Variants in DOCK4 observed in about 807,000 individuals in gnomAD.
The protein encoded by DOCK4 is dedicator of cytokinesis protein 4.
DOCK4 carries 97 observed loss-of-function variants against 268.1 expected under a neutral mutation model. The ratio of observed to expected loss-of-function variants is 0.36; its 90% CI spans 0.31 to 0.43. The LOEUF (loss-of-function observed/expected upper bound fraction) is 0.43. Among genes scored for constraint, DOCK4 ranks in the 20% least tolerant of loss-of-function variants. The probability of loss-of-function intolerance (pLI) is 1.00; values close to 1 mark genes in which losing one functional copy is unlikely to be tolerated. For synonymous variants in DOCK4, 954 were observed against 887.2 expected, an observed-to-expected ratio of 1.08 and a Z score of -1.34; for missense variants, 2,145 against 2,455.7, an observed-to-expected ratio of 0.87 and a Z score of 2.67.
At chr7:112,057,740 A>C (rs1805964263) in intron 1 of DOCK4, among the ~76,000 whole-genome samples, 1 of 151,950 alleles carries the variant, frequency 6.6e-6, no homozygotes, top group African/African-American at 2.4e-5. Flanking sequence ...ACATCACTGC[A>C]CTCCAACCTG....
At chr7:111,737,027 T>G in intron 49 of DOCK4, 38 bp from the exon 50 acceptor site, 1 of 1,552,852 alleles carries the variant, frequency 6.4e-7, no homozygotes, top group Non-Finnish European at 8.8e-7. Flanking sequence ...TGATGTGATA[T>G]ACGGGCATGT....
chr7:111,894,019 A>T (rs549409794), intron 16 of DOCK4, among the ~76,000 whole-genome samples: 1 of 152,242 alleles, frequency 6.6e-6, no homozygotes, highest in South Asian at 2.1e-4. Context: ...GTCAGGAGAT[A>T]GAGACCATCC....
At chr7:111,946,883 T>C (rs1272303205) in intron 8 of DOCK4, among the ~76,000 whole-genome samples, 1 of 152,204 alleles carries the variant, frequency 6.6e-6, no homozygotes. Context: ...CACCAAGCCA[T>C]GGATGCCATT....
chr7:112,156,317 T>G (rs1816608659), intron 1 of DOCK4, among the ~76,000 whole-genome samples: 1 of 152,246 alleles, frequency 6.6e-6, no homozygotes, highest in Admixed American at 6.5e-5. Context: ...TAGCGGCCAA[T>G]TATGAGATAT....
At chr7:111,973,286 T>G (rs1055588500) in intron 8 of DOCK4, among the ~76,000 whole-genome samples, 1 of 151,680 alleles carries the variant, frequency 6.6e-6, no homozygotes, top group Non-Finnish European at 1.5e-5. Flanking sequence ...TGTGCAAGTA[T>G]CTTTTTCGTA....
intron 15 of DOCK4, among the ~76,000 whole-genome samples, chr7:111,898,989 G>C (rs1205855842): frequency 6.6e-6 from 1 of 151,882 alleles, no homozygotes; most frequent in Non-Finnish European, 1.5e-5. Flanking sequence ...CCTCATATTA[G>C]ACCCCAGTGA....
chr7:111,791,904 C>T (rs1416885860), intron 30 of DOCK4, among the ~76,000 whole-genome samples: 1 of 152,140 alleles, frequency 6.6e-6, no homozygotes, highest in Non-Finnish European at 1.5e-5. Flanking sequence ...AAATACACAA[C>T]TTACATAAAA....
In DOCK4 at chr7:111,739,116, C is replaced by G. The variant is rs942501308; in HGVS notation, c.5232+18G>C. 2.5e-6 allele frequency: 4 copies of G among 1,597,330 alleles called. No homozygotes were observed. Among genetic ancestry groups the G allele is most frequent in the African/African-American group, 1.3e-5 (1 of 74,468 alleles). On this transcript the variant is annotated intron_variant, in intron 49 of 52. Transcript: ENST00000428084. ...GAATTGTCCTTGTTTTCTAGTTTCT[C>G]TACCCTACAAGGAGTACCTGCGAAG...
chr7:112,047,063 C>A (rs1388479397), intron 1 of DOCK4, among the ~76,000 whole-genome samples: 2 of 152,208 alleles, frequency 1.3e-5, no homozygotes, highest in African/African-American at 4.8e-5. Context: ...TTAGAAGGAA[C>A]AGTACCTGAA....
intron 8 of DOCK4, among the ~76,000 whole-genome samples, chr7:111,947,988 A>C (rs1333437907): frequency 6.6e-6 from 1 of 152,154 alleles, no homozygotes; most frequent in African/African-American, 2.4e-5. Context: ...TTGGCCTCCC[A>C]AAGTGCTGGG....
Position 111,900,412 on chromosome 7 carries a change from C to T in DOCK4, c.1442G>A (p.Arg481Gln), listed in dbSNP as rs781092695. 5 of 1,613,312 alleles carry T rather than the reference C, an allele frequency of 3.1e-6. No homozygotes were observed. The highest frequency in any genetic ancestry group is 4.2e-6 in the Non-Finnish European group (5 of 1,179,716). ...LKLPIPVDKF[R>Q]GAHIRFEFRH... The stretch of plus-strand genomic sequence containing the variant: ...AAACTCGAAGCGGATGTGTGCACCC[C>T]GGAATTTATCCACAGGAATGGGAAG... Residue 481 changes from arginine (R) to glutamine (Q), a missense_variant, in exon 15 of 53, where the codon CGG (arginine) becomes CAG (glutamine). Arg to Gln is a conservative substitution (Grantham distance 43). Transcript: ENST00000428084.
At chr7:112,150,741 C>T (rs1207760384) in intron 1 of DOCK4, among the ~76,000 whole-genome samples, 1 of 152,176 alleles carries the variant, frequency 6.6e-6, no homozygotes, top group African/African-American at 2.4e-5. Context: ...ACTTAATAAA[C>T]ACCATCCTCA....
chr7:112,159,443 C>T (rs1816895487), intron 1 of DOCK4, among the ~76,000 whole-genome samples: 1 of 152,108 alleles, frequency 6.6e-6, no homozygotes, highest in African/African-American at 2.4e-5. Flanking sequence ...TGGCATAAGT[C>T]CTCCATTATT....
chr7:112,066,689 A>G (rs1351411715), intron 1 of DOCK4, among the ~76,000 whole-genome samples: 476 of 14,760 alleles, frequency 0.032, 32 homozygotes, highest in African/African-American at 0.15. Context: ...ATATACATAT[A>G]CATATATATA....
chr7:111,883,716 A>G (rs963398212), intron 16 of DOCK4, among the ~76,000 whole-genome samples: 2 of 152,142 alleles, frequency 1.3e-5, no homozygotes, highest in African/African-American at 4.8e-5. Flanking sequence ...TGGGCCAGGA[A>G]AAGGTGATGT....
chr7:111,900,626 C>T (rs770189440), intron 14 of DOCK4, 90 bp from the exon 15 acceptor site: 58 of 1,339,690 alleles, frequency 4.3e-5, no homozygotes, highest in Non-Finnish European at 1.5e-5. Flanking sequence ...TATCTGCCTG[C>T]CTCTCAAATA....
At chr7:112,170,921 C>A (rs1265827710) in intron 1 of DOCK4, among the ~76,000 whole-genome samples, 1 of 152,168 alleles carries the variant, frequency 6.6e-6, no homozygotes, top group Non-Finnish European at 1.5e-5. Context: ...GACCTTATAA[C>A]CATTGCCATA....
At chr7:111,983,844 A>ATGCGTGCGCGCGTG (rs1554402959) in intron 7 of DOCK4, among the ~76,000 whole-genome samples, 2 of 138,940 alleles carry the variant, frequency 1.4e-5, no homozygotes, top group African/African-American at 5.8e-5. Flanking sequence ...GTACACACAC[A>ATGCGTGCGCGCGTG]CGCGCGCGCG....
rs1026040321 is a variant in DOCK4 at position 111,727,254 on chromosome 7, GGA to G, written c.*1018_*1019del. 2.0e-5 allele frequency: 3 copies of G among 152,748 alleles called. No homozygotes were observed. Among genetic ancestry groups the G allele is most frequent in the Admixed American group, 6.5e-5 (1 of 15,298 alleles). 9.5% of individuals were successfully genotyped at this position (152,748 alleles called of 1,614,324 possible). A position where few individuals can be genotyped will look rare whatever the true frequency, so the allele number is the denominator to read the frequency against. On this transcript the variant is annotated 3_prime_UTR_variant, in exon 53 of 53. Coordinates refer to ENST00000428084, the MANE Select transcript of DOCK4 (RefSeq NM_001363540.2). Reference sequence around the variant, plus strand: ...TAAGACAAACTCCACTGGTAAAAGTGGAGAGTCGTGAGGAATTTTTTATTTTG... The same window carrying G: ...TAAGACAAACTCCACTGGTAAAAGTGGAGTCGTGAGGAATTTTTTATTTTG...
Sources: gnomAD v4.1 joint callset for allele counts (sites outside exome capture counted in the v4.1 genomes callset) on GRCh38, gnomAD v4.1.1 for gene constraint, MANE v1.5 for transcripts, NCBI Gene and HGNC (gene_info 2026-07-23, HGNC 2026-07-21) for gene names.